Variants in CALCOCO2 observed in about 807,000 individuals in gnomAD.
CALCOCO2 encodes the protein calcium binding and coiled-coil domain 2.
A neutral mutation model predicts 62.5 loss-of-function variants in CALCOCO2; 42 were observed. The ratio of observed to expected loss-of-function variants is 0.67; its 90% CI spans 0.53 to 0.87. The LOEUF is 0.87. Ranked by LOEUF, CALCOCO2 falls within the 40% of genes least tolerant of loss-of-function variation. The pLI, the probability that CALCOCO2 is intolerant of heterozygous loss-of-function variation, is 0.00. For missense variants in CALCOCO2, 456 were observed against 515.0 expected (o/e 0.89, Z 1.11); for synonymous variants, 167 against 173.0 (o/e 0.97, Z 0.27).
At chr17:48,849,118 A>G (rs933101682) in intron 4 of CALCOCO2, 134 bp from the exon 5 acceptor site, 3 of 774,838 alleles carry the variant, frequency 3.9e-6, no homozygotes, top group Non-Finnish European at 6.5e-6. Flanking sequence ...CTAGGTATTA[A>G]GGAGCAGCCC....
rs1302871625 is a variant in CALCOCO2, at chr17:48,860,325, G to T, written c.1020G>T (p.Arg340Ser). 1.9e-6 allele frequency: 3 copies of T among 1,613,530 alleles called. No homozygotes were observed. Among genetic ancestry groups the T allele is most frequent in the Non-Finnish European group, 2.5e-6 (3 of 1,179,634 alleles). Residue 340 changes from arginine to serine, a missense_variant, in exon 11 of 13, where the codon AGG becomes AGT. By Grantham distance (110) the Arg-to-Ser change is moderately radical. This residue lies in a region of CALCOCO2 where 172 missense variants were observed against 210.3 expected (regional missense o/e 0.82). Transcript: ENST00000258947. ...TCCTCTATCCTTAGCTTTTGAAGAG[G>T]GAGAACAGCAGATTGCTCAGTTACA... ...RLEGENDLLK[R>S]ENSRLLSYMG...
At chr17:48,849,229 G>A (rs190921079) in intron 4 of CALCOCO2, 23 bp from the exon 5 acceptor site, 2 of 1,612,540 alleles carry the variant, frequency 1.2e-6, no homozygotes, top group Admixed American at 3.3e-5. Context: ...TTGGAATATA[G>A]TTTATGGAAT....
At chr17:48,861,461 C>T (rs1281528177) in intron 11 of CALCOCO2, among the ~76,000 whole-genome samples, 1 of 151,854 alleles carries the variant, frequency 6.6e-6, no homozygotes, top group Non-Finnish European at 1.5e-5. Context: ...AGCAGTCCAC[C>T]CACCTCAGCC....
intron 1 of CALCOCO2, among the ~76,000 whole-genome samples, chr17:48,835,873 C>T (rs1231263489): frequency 1.3e-5 from 2 of 152,058 alleles, no homozygotes; most frequent in African/African-American, 4.8e-5. Flanking sequence ...CCTCAGCCTC[C>T]TGAGTAGCTT....
chr17:48,854,887 G>A (rs1475179362), intron 9 of CALCOCO2, among the ~76,000 whole-genome samples: 2 of 152,146 alleles, frequency 1.3e-5, no homozygotes, highest in Non-Finnish European at 2.9e-5. Context: ...AGCACAAGAG[G>A]TGGAACGCCT....
At chr17:48,860,118 G>C (rs542091464) in intron 10 of CALCOCO2, among the ~76,000 whole-genome samples, 196 bp from the exon 11 acceptor site, 1 of 152,092 alleles carries the variant, frequency 6.6e-6, no homozygotes, top group Admixed American at 6.5e-5. Flanking sequence ...AATAAATTCA[G>C]GTATAAAGAA....
chr17:48,840,549 G>A (rs1298151203), intron 1 of CALCOCO2, among the ~76,000 whole-genome samples: 1 of 152,122 alleles, frequency 6.6e-6, no homozygotes, highest in Non-Finnish European at 1.5e-5. Flanking sequence ...TCCAAATGTG[G>A]GTTGCATTTT....
intron 1 of CALCOCO2, among the ~76,000 whole-genome samples, chr17:48,840,344 TG>T (rs1356864154): frequency 6.6e-6 from 1 of 151,978 alleles, no homozygotes; most frequent in African/African-American, 2.4e-5. Flanking sequence ...TTGCCCAGGT[TG>T]GTCATGAACT....
At chr17:48,834,800 C>T (rs2039868649) in intron 1 of CALCOCO2, among the ~76,000 whole-genome samples, 1 of 152,172 alleles carries the variant, frequency 6.6e-6, no homozygotes, top group Non-Finnish European at 1.5e-5. Flanking sequence ...GTAATCCCAG[C>T]ACTTTGGGAG....
intron 1 of CALCOCO2, among the ~76,000 whole-genome samples, chr17:48,837,246 C>T (rs181931622): frequency 6.6e-6 from 1 of 152,238 alleles, no homozygotes; most frequent in African/African-American, 2.4e-5. Flanking sequence ...TCCCTGCCCA[C>T]TCTCTCATAG....
At chr17:48,846,379 A>G in intron 2 of CALCOCO2, 1 of 691,182 alleles carries the variant, frequency 1.4e-6, no homozygotes, top group East Asian at 2.7e-5. Context: ...AGCCTAAAGC[A>G]GGAAGCAGTC....
At chr17:48,837,602 C>T (rs560568309) in intron 1 of CALCOCO2, among the ~76,000 whole-genome samples, 5 of 151,944 alleles carry the variant, frequency 3.3e-5, no homozygotes, top group Non-Finnish European at 5.9e-5. Context: ...GCTGAGATAC[C>T]GCCACTGCAC....
intron 1 of CALCOCO2, chr17:48,831,866 G>C (rs573835290): frequency 6.6e-6 from 1 of 152,202 alleles, no homozygotes; most frequent in Admixed American, 6.5e-5. Context: ...GCAAGTAAAG[G>C]ACTTTATGTG....
At chr17:48,856,778 CT>C (rs549613504) in intron 10 of CALCOCO2, among the ~76,000 whole-genome samples, 1,515 of 138,936 alleles carry the variant, frequency 0.011, 27 homozygotes, top group South Asian at 0.1. Context: ...TCTTTCTTTT[CT>C]TTTTTTTTTT....
intron 1 of CALCOCO2, chr17:48,831,762 G>A (rs954267716): frequency 5.9e-5 from 9 of 152,182 alleles, no homozygotes; most frequent in Admixed American, 2.0e-4. Context: ...CTATCACTTG[G>A]ATTCTTGCTT....
chr17:48,845,135 C>CA (rs200605957), intron 2 of CALCOCO2, among the ~76,000 whole-genome samples: 16,942 of 150,068 alleles, frequency 0.11, 1,701 homozygotes, highest in African/African-American at 0.28. Context: ...GACTCCATCT[C>CA]AAAAAAAAAA....
At chr17:48,848,566 G>GA (rs1483022960) in intron 4 of CALCOCO2, 111 bp downstream of exon 4, 14 of 984,816 alleles carry the variant, frequency 1.4e-5, no homozygotes, top group Non-Finnish European at 2.0e-5. Flanking sequence ...GGTATCATTG[G>GA]AAAAAATGTA....
intron 10 of CALCOCO2, 60 bp from the exon 11 acceptor site, chr17:48,860,254 G>T: frequency 6.7e-7 from 1 of 1,498,244 alleles, no homozygotes. Flanking sequence ...CTCCTAGCCA[G>T]TTCCTGGTGG....
chr17:48,857,979 G>A (rs1054051101), intron 10 of CALCOCO2, among the ~76,000 whole-genome samples: 9 of 18,812 alleles, frequency 4.8e-4, no homozygotes, highest in Admixed American at 3.5e-3. Context: ...TACATCAATA[G>A]AATAGAATAG....
Sources: allele counts gnomAD v4.1 joint callset (sites outside exome capture counted in the v4.1 genomes callset), GRCh38; gene constraint gnomAD v4.1.1; regional missense constraint gnomAD v4.1.1; transcripts MANE v1.5; gene names NCBI Gene and HGNC (gene_info 2026-07-23, HGNC 2026-07-21).